Variants in VAV2 observed in about 807,000 individuals in gnomAD.
VAV2 encodes the protein guanine nucleotide exchange factor VAV2.
A neutral mutation model predicts 132.5 loss-of-function variants in VAV2; 67 were observed. The observed-to-expected ratio is 0.51, with a 90% CI of 0.42 to 0.62. The LOEUF is 0.62. Ranked by LOEUF, VAV2 falls within the 20% of genes least tolerant of loss-of-function variation. The pLI is 0.00. For missense variants in VAV2, 938 were observed against 1,153.6 expected, an observed-to-expected ratio of 0.81 and a Z score of 2.71; for synonymous variants, 492 against 443.5, an observed-to-expected ratio of 1.11 and a Z score of -1.37.
chr9:133,933,959 G>GATGGATGA (rs1564477614), intron 2 of VAV2, among the ~76,000 whole-genome samples: 2 of 150,206 alleles, frequency 1.3e-5, no homozygotes, highest in East Asian at 4.1e-4. Context: ...ATGGTGGATG[G>GATGGATGA]ATGGATGAAT....
In VAV2 at chr9:133,992,018, G is replaced by T; in HGVS notation, c.204+57C>A. On this transcript the variant is annotated intron_variant, in intron 1 of 29. Transcript: ENST00000371850. This position sits in a 1 kb window ranked among gnomAD's most constrained non-coding sequence, Gnocchi z 5.5. ...GCTGCGACCTCCGCGTTCAGTCCGC[G>T]CGTCGGGCAGCGCGAACGCCGCCTC... is the stretch of plus-strand genomic sequence containing the variant. 4 of 1,393,280 alleles carry T rather than the reference G, an allele frequency of 2.9e-6. No individual in the cohort carries two copies. The highest frequency in any genetic ancestry group is 3.8e-6 in the Non-Finnish European group (4 of 1,061,962). The allele number at this position is 1,393,280 out of a possible 1,614,324, so 86.3% of individuals were successfully genotyped here.
chr9:133,949,604 C>T (rs1201771734), intron 1 of VAV2, among the ~76,000 whole-genome samples: 2 of 152,234 alleles, frequency 1.3e-5, no homozygotes, highest in South Asian at 2.1e-4. Context: ...ACACTCCAGG[C>T]AATGCTGCTG....
At chr9:133,959,473 G>C (rs971122565) in intron 1 of VAV2, among the ~76,000 whole-genome samples, 21 of 152,186 alleles carry the variant, frequency 1.4e-4, no homozygotes, top group African/African-American at 4.1e-4. Flanking sequence ...TCTGCTGCAG[G>C]CCTGAGCTTT....
chr9:133,927,644 G>A (rs1036807544), intron 2 of VAV2, among the ~76,000 whole-genome samples: 10 of 152,054 alleles, frequency 6.6e-5, no homozygotes, highest in Admixed American at 5.2e-4. Flanking sequence ...CACTCCAAGC[G>A]GCCCCCAGAT....
chr9:133,876,529 C>CA (rs1838271738), intron 2 of VAV2, among the ~76,000 whole-genome samples: 1 of 152,252 alleles, frequency 6.6e-6, no homozygotes, highest in South Asian at 2.1e-4. Flanking sequence ...CATGGCCACA[C>CA]AGGGGACCAA....
At chr9:133,977,976 C>T (rs1393771518) in intron 1 of VAV2, among the ~76,000 whole-genome samples, 2 of 103,234 alleles carry the variant, frequency 1.9e-5, no homozygotes, top group Non-Finnish European at 3.8e-5. Context: ...TACGTGTATG[C>T]GTCCACCTGC....
chr9:133,796,500 C>G lies in VAV2; in HGVS notation c.961G>C (p.Gly321Arg), dbSNP rs767286250. 5 of 1,613,598 alleles carry G rather than the reference C, an allele frequency of 3.1e-6. No homozygotes were observed. In the East Asian group the frequency reaches 1.1e-4, roughly 36 times the overall value. The change falls in exon 11 of 30, where the codon GGA becomes CGA. Residue 321 changes from glycine (G) to arginine (R), a missense_variant. Transcript: ENST00000371850. Reference protein sequence around the residue: ...VEECTLKVQDGKFKLQDLLVV... With the variant: ...VEECTLKVQDRKFKLQDLLVV... ...AGCAGGTCTTGCAGCTTAAATTTTCCATCCTGGACCTTCAGTGTGCACTCC... is the reference window on the plus strand; with the variant it reads ...AGCAGGTCTTGCAGCTTAAATTTTCGATCCTGGACCTTCAGTGTGCACTCC...
intron 2 of VAV2, among the ~76,000 whole-genome samples, chr9:133,936,295 T>G (rs1840906164): frequency 6.7e-6 from 1 of 149,100 alleles, no homozygotes. Flanking sequence ...CAGGCTAAAG[T>G]GCAGTGGCGT....
chr9:133,903,191 ACACAGTCTCCCTGTGCCCC>A (rs1263269455), intron 2 of VAV2, among the ~76,000 whole-genome samples: 1 of 149,164 alleles, frequency 6.7e-6, no homozygotes, highest in African/African-American at 2.6e-5. Flanking sequence ...GTGCCCCGGG[ACACAGTCTCCCTGTGCCCC>A]AGAAGGCACC....
rs116013704 is a variant in VAV2 at position 133,971,050 on chromosome 9, T to G, written c.204+21025A>C. ...TATTACAGGTGCAAGTCACAGTATC[T>G]CAGGAGCCCGCGGTGCCTCCTGCGG... On this transcript the variant is annotated intron_variant, in intron 1 of 29. Transcript: ENST00000371850. Among the ~76,000 whole-genome samples the G allele has an allele frequency of 9.4e-3, 1,431 of 152,302 alleles. 23 individuals carry two copies. The highest frequency in any genetic ancestry group is 0.032 in the African/African-American group (1,340 of 41,560).
chr9:133,879,099 G>A lies in VAV2; in HGVS notation c.322-17667C>T, dbSNP rs181453454. On this transcript the variant is annotated intron_variant, in intron 2 of 29. Transcript: ENST00000371850. This position sits in a 1 kb window ranked among gnomAD's most constrained non-coding sequence, Gnocchi z 4.4. The stretch of plus-strand genomic sequence containing the variant: ...GTGACATAGTCTTCCAGAGGGGACC[G>A]GGCCGGGCTTGTGCTGCTGAACCTG... 1.2e-3 allele frequency among the ~76,000 whole-genome samples: 180 copies of A among 152,294 alleles called. 1 individual carries two copies. The highest frequency in any genetic ancestry group is 1.6e-3 in the Non-Finnish European group (109 of 68,016).
intron 1 of VAV2, among the ~76,000 whole-genome samples, chr9:133,985,229 TGTGTGTG>T (rs1564526227): frequency 3.0e-3 from 5 of 1,660 alleles, no homozygotes; most frequent in African/African-American, 0.016. Context: ...TGCCTTATTG[TGTGTGTG>T]TGTGTGTGTG....
chr9:133,982,465 G>A (rs1437684168), intron 1 of VAV2, among the ~76,000 whole-genome samples: 2 of 150,436 alleles, frequency 1.3e-5, no homozygotes, highest in African/African-American at 4.9e-5. Context: ...TGGCTGGCAG[G>A]GCAGGAGGCC....
rs1365850330 is a variant in VAV2 at position 133,885,823 on chromosome 9, C to G, written c.322-24391G>C. Among the ~76,000 whole-genome samples, 2 of 152,240 alleles carry G rather than the reference C, an allele frequency of 1.3e-5. No homozygotes were observed. Among genetic ancestry groups the G allele is most frequent in the African/African-American group, 4.8e-5 (2 of 41,468 alleles). On this transcript the variant is annotated intron_variant, in intron 2 of 29. Coordinates refer to ENST00000371850, the MANE Select transcript of VAV2 (RefSeq NM_001134398.2). This position sits in a 1 kb window ranked among gnomAD's most constrained non-coding sequence, Gnocchi z 5.0. ...TTCACAAAGCACTCACCCACTTACC[C>G]TTGGGCTGGAAGGAACCACAGGCGC...
chr9:133,970,753 C>T (rs895680948), intron 1 of VAV2, among the ~76,000 whole-genome samples: 1 of 152,312 alleles, frequency 6.6e-6, no homozygotes, highest in South Asian at 2.1e-4. Flanking sequence ...CACAGCCTCT[C>T]GTGTCAAATG....
intron 3 of VAV2, chr9:133,861,132 G>A (rs891274462): frequency 6.5e-6 from 3 of 459,340 alleles, no homozygotes; most frequent in African/African-American, 2.0e-5. Flanking sequence ...TACCTAAATC[G>A]AAAGAGATTT....
intron 9 of VAV2, among the ~76,000 whole-genome samples, chr9:133,799,560 A>C (rs1046975441): frequency 6.6e-6 from 1 of 152,174 alleles, no homozygotes; most frequent in Non-Finnish European, 1.5e-5. Flanking sequence ...CCGTGTCCAC[A>C]GACCTGGGAG....
Position 133,775,015 on chromosome 9 carries a change from G to A in VAV2, c.2055C>T (p.Asn685=), listed in dbSNP as rs1833764580. Residue 685 remains asparagine (N), a synonymous_variant, in exon 25 of 30, where the codon AAC becomes AAT. Transcript: ENST00000371850. ...AGNMERQQTD[N]LLKSHASGTY... ...TCCCGCTGGCGTGGGACTTGAGCAGGTTGTCCGTCTGCTGCCTCTCCATGT... is the reference window on the plus strand; with the variant it reads ...TCCCGCTGGCGTGGGACTTGAGCAGATTGTCCGTCTGCTGCCTCTCCATGT... The A allele has an allele frequency of 4.3e-6, 7 of 1,613,044 alleles. No homozygotes were observed. Among genetic ancestry groups the A allele is most frequent in the Middle Eastern group, 3.3e-4 (2 of 6,082 alleles).
At chr9:133,984,073 GC>G (rs1182922865) in intron 1 of VAV2, among the ~76,000 whole-genome samples, 1 of 152,086 alleles carries the variant, frequency 6.6e-6, no homozygotes, top group Admixed American at 6.5e-5. Flanking sequence ...CTGGGTTCAA[GC>G]CATTCTCCTG....
Sources: allele counts gnomAD v4.1 joint callset (sites outside exome capture counted in the v4.1 genomes callset), GRCh38; gene constraint gnomAD v4.1.1; non-coding constraint Gnocchi (gnomAD v3.1); transcripts MANE v1.5; gene names NCBI Gene and HGNC (gene_info 2026-07-23, HGNC 2026-07-21).